Variants in FRMD4A observed in about 807,000 individuals in gnomAD.
The protein encoded by FRMD4A is FERM domain-containing protein 4A.
Under a neutral mutation model 129.1 loss-of-function variants are expected in FRMD4A, and 29 were observed. The ratio of observed to expected loss-of-function variants is 0.22; its 90% confidence interval spans 0.17 to 0.31. FRMD4A has a LOEUF of 0.31. FRMD4A is among the 10% of genes least tolerant of loss of function. The probability of loss-of-function intolerance (pLI) is 1.00; values close to 1 mark genes in which losing one functional copy is unlikely to be tolerated. For synonymous variants in FRMD4A, 634 were observed against 571.6 expected (o/e 1.11, Z -1.56); for missense variants, 1,272 against 1,375.8 (o/e 0.92, Z 1.19).
intron 2 of FRMD4A, among the ~76,000 whole-genome samples, chr10:14,005,189 A>AT (rs1252744925): frequency 6.6e-6 from 1 of 151,850 alleles, no homozygotes; most frequent in Non-Finnish European, 1.5e-5. Context: ...CGCCTGGCTA[A>AT]TTTTTTTGTA....
intron 2 of FRMD4A, among the ~76,000 whole-genome samples, chr10:13,898,904 TG>T (rs2094788404): frequency 6.6e-6 from 1 of 152,130 alleles, no homozygotes; most frequent in Admixed American, 6.5e-5. Context: ...GCCTGGGAGC[TG>T]GGCACAGTGG....
rs2086637255 is a variant in FRMD4A at position 13,699,896 on chromosome 10, C to T, written c.975+1444G>A. ...GCGCTAGGACTAGGACCCATCACTG[C>T]CAGGAGAGCTGCGGAGAATACTGTC... On this transcript the variant is annotated intron_variant, in intron 14 of 24. Coordinates refer to ENST00000357447, the MANE Select transcript of FRMD4A (RefSeq NM_018027.5). Among the ~76,000 whole-genome samples the T allele has an allele frequency of 4.6e-5, 7 of 152,248 alleles. No homozygotes were observed. The South Asian group carries it at 1.5e-3, about 32-fold the overall frequency.
intron 8 of FRMD4A, among the ~76,000 whole-genome samples, chr10:13,757,119 C>T (rs893409974): frequency 1.3e-5 from 2 of 152,168 alleles, no homozygotes; most frequent in South Asian, 2.1e-4. Context: ...CAGCGATTAT[C>T]GAAAGACAAT....
intron 2 of FRMD4A, among the ~76,000 whole-genome samples, chr10:14,039,168 G>A (rs1266546422): frequency 6.6e-6 from 1 of 152,138 alleles, no homozygotes; most frequent in African/African-American, 2.4e-5. Flanking sequence ...GAAATGCTTA[G>A]ACTCATGAAT....
At chr10:14,069,881 C>T (rs1483139193) in intron 2 of FRMD4A, among the ~76,000 whole-genome samples, 1 of 152,082 alleles carries the variant, frequency 6.6e-6, no homozygotes, top group East Asian at 1.9e-4. Context: ...CCTTTATTTG[C>T]CTTTCTAACT....
intron 2 of FRMD4A, among the ~76,000 whole-genome samples, chr10:14,200,689 C>A (rs960897086): frequency 7.9e-5 from 12 of 152,218 alleles, no homozygotes; most frequent in African/African-American, 2.9e-4. Context: ...TCAGCCTTCT[C>A]TCTGGAACCT....
At chr10:13,894,758 G>A (rs1211445341) in intron 2 of FRMD4A, among the ~76,000 whole-genome samples, 3 of 152,178 alleles carry the variant, frequency 2.0e-5, no homozygotes, top group African/African-American at 7.2e-5. Flanking sequence ...AGCACATGGG[G>A]AATGTTTTCC....
intron 2 of FRMD4A, among the ~76,000 whole-genome samples, chr10:14,082,738 C>T (rs1418790804): frequency 6.6e-6 from 1 of 152,064 alleles, no homozygotes; most frequent in African/African-American, 2.4e-5. Flanking sequence ...TGCAGTCATC[C>T]CTCCCATGGC....
chr10:14,143,823 G>A (rs1280270597), intron 2 of FRMD4A, among the ~76,000 whole-genome samples: 1 of 152,022 alleles, frequency 6.6e-6, no homozygotes, highest in African/African-American at 2.4e-5. Context: ...TGACCAGGCT[G>A]GTCTTGAACT....
At position 13,876,698 on chromosome 10, in the gene FRMD4A, A is replaced by G. The variant is rs77737832; in HGVS notation, c.46-17786T>C. On this transcript the variant is annotated intron_variant, in intron 2 of 24. Transcript: ENST00000357447. ...TTACAACTATGGGTCTTATTATACA[A>G]TAAGTTTTCACAGTTGTAAACATTT... 9.8e-3 allele frequency among the ~76,000 whole-genome samples: 1,493 copies of G among 152,274 alleles called. 13 individuals carry two copies. Among genetic ancestry groups the G allele is most frequent in the Middle Eastern group, 0.027 (8 of 294 alleles).
At chr10:14,135,576 G>A (rs896734830) in intron 2 of FRMD4A, among the ~76,000 whole-genome samples, 1 of 152,158 alleles carries the variant, frequency 6.6e-6, no homozygotes, top group Non-Finnish European at 1.5e-5. Flanking sequence ...TAATTCAGCT[G>A]AAGTTTTTCT....
chr10:14,212,039 G>T (rs562573487), intron 2 of FRMD4A, among the ~76,000 whole-genome samples: 1 of 152,266 alleles, frequency 6.6e-6, no homozygotes, highest in Admixed American at 6.5e-5. Context: ...CATCCCCTGT[G>T]ATCCTTCCAA....
Position 13,750,734 on chromosome 10 carries a change from G to A in FRMD4A, c.465-2915C>T, listed in dbSNP as rs890931132. Among the ~76,000 whole-genome samples the A allele has an allele frequency of 3.9e-5, 6 of 152,196 alleles. No homozygotes were observed. The East Asian group carries it at 7.7e-4, about 20-fold the overall frequency. The stretch of plus-strand genomic sequence containing the variant: ...TTGTGAAACTTTAATGCCAGGCTAA[G>A]AGGGTTCAGCCTCTCCTGGGTTTGA... On this transcript the variant is annotated intron_variant, in intron 8 of 24. Coordinates refer to ENST00000357447, the MANE Select transcript of FRMD4A (RefSeq NM_018027.5).
intron 16 of FRMD4A, 57 bp downstream of exon 16, chr10:13,674,854 G>C (rs921295032): frequency 1.9e-6 from 3 of 1,550,856 alleles, no homozygotes; most frequent in Non-Finnish European, 1.8e-6. Context: ...ACATCAGAAA[G>C]ATCAGTGACA....
At chr10:13,980,766 T>G (rs1588662474) in intron 2 of FRMD4A, among the ~76,000 whole-genome samples, 1 of 152,106 alleles carries the variant, frequency 6.6e-6, no homozygotes, top group African/African-American at 2.4e-5. Flanking sequence ...ATTAAAAAAA[T>G]TGTTCGTTAT....
chr10:14,170,646 C>A (rs552799730), intron 2 of FRMD4A, among the ~76,000 whole-genome samples: 91 of 152,280 alleles, frequency 6.0e-4, no homozygotes, highest in Non-Finnish European at 1.1e-3. Context: ...AGTTAATCAA[C>A]TTTTTAAAAG....
chr10:14,239,251 G>A (rs538692263), intron 2 of FRMD4A, among the ~76,000 whole-genome samples: 1 of 152,250 alleles, frequency 6.6e-6, no homozygotes, highest in African/African-American at 2.4e-5. Flanking sequence ...ATAGACTCAT[G>A]GATCTCCTTA....
intron 14 of FRMD4A, 56 bp downstream of exon 14, chr10:13,701,284 C>T: frequency 6.4e-7 from 1 of 1,558,316 alleles, no homozygotes; most frequent in Non-Finnish European, 8.8e-7. Flanking sequence ...ATCCTCATTC[C>T]TAAACTAAGA....
chr10:14,078,373 C>T (rs754412971), intron 2 of FRMD4A, among the ~76,000 whole-genome samples: 9 of 152,202 alleles, frequency 5.9e-5, no homozygotes, highest in Non-Finnish European at 1.0e-4. Context: ...GCAACAGGCT[C>T]AAGGCTATTG....
Sources: allele counts gnomAD v4.1 joint callset (sites outside exome capture counted in the v4.1 genomes callset), GRCh38; gene constraint gnomAD v4.1.1; transcripts MANE v1.5; gene names NCBI Gene and HGNC (gene_info 2026-07-23, HGNC 2026-07-21).